Variants in HMGB1 observed in about 807,000 individuals in gnomAD.
HMGB1 encodes the protein high mobility group box 1, also known as high mobility group protein B1.
For missense variants in HMGB1, 79 were observed against 253.5 expected, an observed-to-expected ratio of 0.31 and a Z score of 4.67; for synonymous variants, 81 against 84.0, an observed-to-expected ratio of 0.96 and a Z score of 0.19.
At chr13:30,556,410 A>G (rs577399298) in intron 1 of HMGB1, among the ~76,000 whole-genome samples, 1 of 152,358 alleles carries the variant, frequency 6.6e-6, no homozygotes, top group African/African-American at 2.4e-5. Context: ...GTTTCAAAAA[A>G]GAAAACAAAA....
intron 1 of HMGB1, among the ~76,000 whole-genome samples, chr13:30,538,510 C>CTTTCTTTCTTTCTTTT (rs1164550479): frequency 2.4e-5 from 2 of 82,268 alleles, no homozygotes; most frequent in East Asian, 6.5e-4. Context: ...TTCTTTCTTT[C>CTTTCTTTCTTTCTTTT]CTTTCTTTCT....
intron 1 of HMGB1, among the ~76,000 whole-genome samples, chr13:30,520,424 A>G (rs1888211500): frequency 6.6e-6 from 1 of 152,126 alleles, no homozygotes; most frequent in South Asian, 2.1e-4. Context: ...GTTTGGGACC[A>G]GCCTGGCCAA....
chr13:30,489,774 G>T, intron 1 of HMGB1, among the ~76,000 whole-genome samples: 1 of 143,186 alleles, frequency 7.0e-6, no homozygotes. Context: ...TCGCTCTGTC[G>T]CCCAGGCTGG....
chr13:30,545,432 A>T (rs1869109310), intron 1 of HMGB1, among the ~76,000 whole-genome samples: 2 of 151,332 alleles, frequency 1.3e-5, no homozygotes, highest in Non-Finnish European at 3.0e-5. Context: ...CTGGCAGCAT[A>T]GTTTTGTCAG....
At chr13:30,518,417 A>T (rs1374959722) in intron 1 of HMGB1, among the ~76,000 whole-genome samples, 1 of 152,188 alleles carries the variant, frequency 6.6e-6, no homozygotes, top group Non-Finnish European at 1.5e-5. Flanking sequence ...TTCAAGACCC[A>T]ATTTAGATCA....
chr13:30,563,962 G>T (rs1001288285), intron 1 of HMGB1, among the ~76,000 whole-genome samples: 2 of 152,138 alleles, frequency 1.3e-5, no homozygotes, highest in Admixed American at 6.5e-5. Flanking sequence ...ATGGTAAATG[G>T]GAAACCTATC....
chr13:30,544,704 A>AG (rs1869064732), intron 1 of HMGB1, among the ~76,000 whole-genome samples: 1 of 152,234 alleles, frequency 6.6e-6, no homozygotes. Context: ...GGTCAACATA[A>AG]GTAAAATGTT....
chr13:30,569,773 A>C (rs1447536768), intron 1 of HMGB1, among the ~76,000 whole-genome samples: 1 of 152,250 alleles, frequency 6.6e-6, no homozygotes, highest in Non-Finnish European at 1.5e-5. Context: ...AGGCAGCAGA[A>C]AACTGTAGAG....
At chr13:30,563,009 T>A (rs1292011980) in intron 1 of HMGB1, among the ~76,000 whole-genome samples, 6 of 152,106 alleles carry the variant, frequency 3.9e-5, no homozygotes, top group African/African-American at 1.4e-4. Flanking sequence ...TTCTACATGG[T>A]TTGGGGGGTA....
At chr13:30,505,380 G>A (rs182879880) in intron 1 of HMGB1, among the ~76,000 whole-genome samples, 48 of 151,778 alleles carry the variant, frequency 3.2e-4, no homozygotes, top group African/African-American at 8.5e-4. Flanking sequence ...GGGTTTCACC[G>A]TGTTAGCCAG....
chr13:30,591,764 G>A (rs1240897599), intron 1 of HMGB1, among the ~76,000 whole-genome samples: 10 of 152,090 alleles, frequency 6.6e-5, no homozygotes, highest in Non-Finnish European at 1.3e-4. Flanking sequence ...GGCCTACCAC[G>A]CATGCCTGGC....
intron 1 of HMGB1, among the ~76,000 whole-genome samples, chr13:30,491,965 A>G (rs1049358730): frequency 1.3e-5 from 2 of 151,608 alleles, no homozygotes; most frequent in Admixed American, 6.6e-5. Flanking sequence ...TCAGGAGATC[A>G]AGACCATCCT....
At chr13:30,464,339 G>C (rs768364097) in intron 1 of HMGB1, 1 of 985,376 alleles carries the variant, frequency 1.0e-6, no homozygotes, top group Non-Finnish European at 1.2e-6. Context: ...AACACGTCCG[G>C]TCTGAAGTTT....
chr13:30,538,693 C>CTTTCTTTCCTTTCTTTCTTTA (rs1566019227), intron 1 of HMGB1, among the ~76,000 whole-genome samples: 2 of 111,860 alleles, frequency 1.8e-5, no homozygotes, highest in African/African-American at 8.2e-5. Context: ...TCCTTTCTTT[C>CTTTCTTTCCTTTCTTTCTTTA]TTTCTTTCTT....
rs376935619 is a variant in HMGB1 at position 30,546,674 on chromosome 13, G to A, written c.-15+69997C>T. Among the ~76,000 whole-genome samples the A allele has an allele frequency of 3.3e-5, 5 of 151,646 alleles. No individual in the cohort carries two copies. In the South Asian group the frequency reaches 6.3e-4, roughly 19 times the overall value. Reference sequence around the variant, plus strand: ...AATTTTTGTATTTCTTCTTAGAGATGGGGTCTTGCTATGTTGTCCAGACTT... The same window carrying A: ...AATTTTTGTATTTCTTCTTAGAGATAGGGTCTTGCTATGTTGTCCAGACTT... On this transcript the variant is annotated intron_variant, in intron 1 of 4. Coordinates refer to the HMGB1 transcript ENST00000405805.
chr13:30,482,849 G>A (rs1016698334), intron 1 of HMGB1, among the ~76,000 whole-genome samples: 22 of 151,764 alleles, frequency 1.4e-4, no homozygotes, highest in African/African-American at 5.1e-4. Context: ...GTACAGTGGT[G>A]TGATCATAGC....
chr13:30,573,220 C>G (rs1313286066), intron 1 of HMGB1, among the ~76,000 whole-genome samples: 1 of 152,116 alleles, frequency 6.6e-6, no homozygotes, highest in Non-Finnish European at 1.5e-5. Flanking sequence ...ACGTATTACT[C>G]TCTAGAAACA....
chr13:30,461,568 AG>A, intron 4 of HMGB1, 35 bp from the exon 5 acceptor site: 1 of 1,570,528 alleles, frequency 6.4e-7, no homozygotes, highest in Non-Finnish European at 8.6e-7. Context: ...ACAGTAGGGA[AG>A]AAAAAAACAT....
intron 1 of HMGB1, among the ~76,000 whole-genome samples, chr13:30,504,450 C>T (rs1016623625): frequency 2.0e-5 from 3 of 151,880 alleles, no homozygotes; most frequent in African/African-American, 7.3e-5. Flanking sequence ...GCTTTTTTTC[C>T]CCCCAACAGT....
Sources: gnomAD v4.1 joint callset for allele counts (sites outside exome capture counted in the v4.1 genomes callset) on GRCh38, gnomAD v4.1.1 for gene constraint, MANE v1.5 for transcripts, NCBI Gene and HGNC (gene_info 2026-07-23, HGNC 2026-07-21) for gene names.